The following CACNA1A variants were observed in gnomAD, a reference collection of about 807,000 sequenced individuals.
CACNA1A encodes the protein voltage-dependent P/Q-type calcium channel subunit alpha-1A.
Under a neutral mutation model 262.4 loss-of-function variants are expected in CACNA1A, and 57 were observed. That is an observed-to-expected ratio of 0.22 (90% CI 0.18 to 0.27). The LOEUF is 0.27. Among genes scored for constraint, CACNA1A ranks in the 10% least tolerant of loss-of-function variants. CACNA1A has a pLI of 1.00. For synonymous variants in CACNA1A, 1,431 were observed against 1,419.3 expected (o/e 1.01, Z -0.18); for missense variants, 2,526 against 3,562.8 (o/e 0.71, Z 7.41).
At chr19:13,209,050 G>A in intron 45 of CACNA1A, 41 bp from the exon 46 acceptor site, 1 of 1,536,508 alleles carries the variant, frequency 6.5e-7, no homozygotes. Context: ...AGGTGGTCGT[G>A]AGGGAGAGGT....
In CACNA1A at chr19:13,324,551, C is replaced by G. The variant is rs184761227; in HGVS notation, c.1345+5693G>C. ...TAGATTAAAACATCACACTGCACTC[C>G]ATAAACATACACAATTACCATTTGT... On this transcript the variant is annotated intron_variant, in intron 10 of 46. Coordinates refer to ENST00000360228, the MANE Select transcript of CACNA1A (RefSeq NM_001127222.2). Among the ~76,000 whole-genome samples, 9 of 152,222 alleles carry G rather than the reference C, an allele frequency of 5.9e-5. No individual in the cohort carries two copies. In the East Asian group the frequency reaches 1.7e-3, roughly 29 times the overall value.
At chr19:13,503,995 TAA>T (rs1289640271) in intron 1 of CACNA1A, among the ~76,000 whole-genome samples, 1 of 151,924 alleles carries the variant, frequency 6.6e-6, no homozygotes, top group Non-Finnish European at 1.5e-5. Context: ...AGAGGTAAGC[TAA>T]GGACACAGCA....
intron 36 of CACNA1A, among the ~76,000 whole-genome samples, chr19:13,228,307 G>GA (rs1383714281): frequency 6.6e-6 from 1 of 151,878 alleles, no homozygotes; most frequent in Non-Finnish European, 1.5e-5. Context: ...CCAGGGAGGG[G>GA]AGGAGGGCTA....
chr19:13,274,091 G>C (rs1328918494), intron 24 of CACNA1A: 3 of 152,160 alleles, frequency 2.0e-5, no homozygotes, highest in Non-Finnish European at 4.4e-5. Flanking sequence ...GAGAGGGAAG[G>C]ATGTGGGGAG....
intron 10 of CACNA1A, among the ~76,000 whole-genome samples, chr19:13,327,804 C>T (rs2145103166): frequency 6.6e-6 from 1 of 152,246 alleles, no homozygotes; most frequent in Non-Finnish European, 1.5e-5. Context: ...TACTCCTGAC[C>T]TTAAGCGATC....
In CACNA1A at chr19:13,329,110, T is replaced by C. The variant is rs146727449; in HGVS notation, c.1345+1134A>G. Among the ~76,000 whole-genome samples the C allele has an allele frequency of 2.6e-5, 4 of 152,264 alleles. No individual in the cohort carries two copies. The East Asian group carries it at 7.7e-4, about 29-fold the overall frequency. On this transcript the variant is annotated intron_variant, in intron 10 of 46. Coordinates refer to ENST00000360228, the MANE Select transcript of CACNA1A (RefSeq NM_001127222.2). ...ACAACAATAACAATACATTCTCACTTTAGAAGGTCAAAATCAACATCATCA... is the reference window on the plus strand; with the variant it reads ...ACAACAATAACAATACATTCTCACTCTAGAAGGTCAAAATCAACATCATCA...
chr19:13,269,505 T>C (rs1018717873), intron 24 of CACNA1A, among the ~76,000 whole-genome samples: 2 of 152,162 alleles, frequency 1.3e-5, no homozygotes, highest in Admixed American at 1.3e-4. Flanking sequence ...GAGGGCTCCA[T>C]CTTTGGCTTC....
In CACNA1A at chr19:13,320,613, A is replaced by G. The variant is rs577688060; in HGVS notation, c.1346-3292T>C. On this transcript the variant is annotated intron_variant, in intron 10 of 46. Coordinates refer to ENST00000360228, the MANE Select transcript of CACNA1A (RefSeq NM_001127222.2). Reference sequence around the variant, plus strand: ...CACGACAGGCATACCCTTCACTGGTAAGGGAGAGGGAAATGAATATTAATT... The same window carrying G: ...CACGACAGGCATACCCTTCACTGGTGAGGGAGAGGGAAATGAATATTAATT... 1.5e-4 allele frequency among the ~76,000 whole-genome samples: 23 copies of G among 152,284 alleles called. 1 individual carries two copies. The South Asian group carries it at 4.8e-3, about 32-fold the overall frequency.
At chr19:13,500,656 C>T (rs911753853) in intron 1 of CACNA1A, among the ~76,000 whole-genome samples, 1 of 152,164 alleles carries the variant, frequency 6.6e-6, no homozygotes, top group African/African-American at 2.4e-5. Context: ...CATACACCTA[C>T]CACACAACTC....
intron 5 of CACNA1A, among the ~76,000 whole-genome samples, chr19:13,360,474 A>ATTTTTTTT (rs58721308): frequency 7.9e-6 from 1 of 126,256 alleles, no homozygotes; most frequent in Non-Finnish European, 1.6e-5. Flanking sequence ...TGCCACTAGA[A>ATTTTTTTT]TTTTTTTTTT....
At chr19:13,234,163 C>T (rs1283643755) in intron 34 of CACNA1A, among the ~76,000 whole-genome samples, 5 of 151,136 alleles carry the variant, frequency 3.3e-5, no homozygotes, top group Non-Finnish European at 5.9e-5. Context: ...TCCTGGCTAA[C>T]ATGGTGAAAC....
At chr19:13,246,260 G>C (rs1310258094) in intron 30 of CACNA1A, among the ~76,000 whole-genome samples, 1 of 152,152 alleles carries the variant, frequency 6.6e-6, no homozygotes, top group Non-Finnish European at 1.5e-5. Context: ...CGGGGCTTTG[G>C]GGCCTTTCAG....
At chr19:13,484,147 A>G (rs542880859) in intron 1 of CACNA1A, among the ~76,000 whole-genome samples, 2 of 152,316 alleles carry the variant, frequency 1.3e-5, no homozygotes, top group African/African-American at 2.4e-5. Context: ...CCCCCGTTCT[A>G]TAAAAAATGG....
At chr19:13,474,036 T>C (rs934884375) in intron 1 of CACNA1A, among the ~76,000 whole-genome samples, 2 of 152,182 alleles carry the variant, frequency 1.3e-5, no homozygotes, top group African/African-American at 4.8e-5. Context: ...CTTGAAGCTT[T>C]ATCATTAAAA....
At chr19:13,300,501 G>T (rs1365665681) in intron 18 of CACNA1A, 49 bp downstream of exon 18, 1 of 1,301,134 alleles carries the variant, frequency 7.7e-7, no homozygotes, top group Non-Finnish European at 1.1e-6. Flanking sequence ...CTGGGATAGT[G>T]TGGACGTTCA....
rs756685971 is a variant in CACNA1A, at chr19:13,208,922, C to T, written c.6614G>A (p.Arg2205Gln). 23 of 1,537,122 alleles carry T rather than the reference C, an allele frequency of 1.5e-5. No homozygotes were observed. The highest frequency in any genetic ancestry group is 5.9e-5 in the Admixed American group (3 of 50,974). Residue 2205 changes from arginine (R) to glutamine (Q), a missense_variant, in exon 46 of 47, where the codon CGG becomes CAG. Physicochemically the swap from Arg to Gln is conservative, Grantham distance 43. Transcript: ENST00000360228. ...RDQERGRPKD[R>Q]KHRQHHHHHH... is the part of the protein sequence containing the mutation. ...GTGGTGGTGGTGCTGTCGATGCTTCCGATCCTTGGGCCGGCCCCGCTCCTG... is the reference window on the plus strand; with the variant it reads ...GTGGTGGTGGTGCTGTCGATGCTTCTGATCCTTGGGCCGGCCCCGCTCCTG...
At chr19:13,233,686 T>A (rs1454017037) in intron 34 of CACNA1A, among the ~76,000 whole-genome samples, 1 of 152,044 alleles carries the variant, frequency 6.6e-6, no homozygotes, top group Non-Finnish European at 1.5e-5. Context: ...AGACGGGGTC[T>A]CACTATGTTG....
chr19:13,420,503 A>G (rs966105262), intron 3 of CACNA1A, among the ~76,000 whole-genome samples: 2 of 152,128 alleles, frequency 1.3e-5, no homozygotes, highest in Non-Finnish European at 2.9e-5. Flanking sequence ...ACATAGACAC[A>G]CAGAGAAAAA....
intron 3 of CACNA1A, among the ~76,000 whole-genome samples, chr19:13,440,746 G>A (rs529274048): frequency 6.6e-6 from 1 of 152,268 alleles, no homozygotes; most frequent in South Asian, 2.1e-4. Context: ...GCCCAGCATG[G>A]GTCAGACATT....
Sources: allele counts gnomAD v4.1 joint callset (sites outside exome capture counted in the v4.1 genomes callset), GRCh38; gene constraint gnomAD v4.1.1; transcripts MANE v1.5; gene names NCBI Gene and HGNC (gene_info 2026-07-23, HGNC 2026-07-21).